Variants in GSTO2 observed in about 807,000 individuals in gnomAD.
GSTO2 encodes glutathione S-transferase omega 2.
In GSTO2, 23 loss-of-function variants were observed where a neutral mutation model predicts 28.4. That is an observed-to-expected ratio of 0.81 (90% CI 0.58 to 1.15). GSTO2 has a LOEUF of 1.15. GSTO2 is among the 50% of genes most tolerant of loss of function. The probability of loss-of-function intolerance (pLI) is 0.00; values close to 1 mark genes in which losing one functional copy is unlikely to be tolerated. For synonymous variants in GSTO2, 109 were observed against 111.0 expected (o/e 0.98, Z 0.11); for missense variants, 298 against 297.8 (o/e 1.00, Z 0.00).
chr10:104,277,580 C>T (rs1221774907), intron 3 of GSTO2, among the ~76,000 whole-genome samples: 1 of 152,142 alleles, frequency 6.6e-6, no homozygotes, highest in African/African-American at 2.4e-5. Context: ...GGCACCGCGC[C>T]CGGCCAGCTC....
rs1208178722 is a variant in GSTO2, at chr10:104,300,753, A to G, written c.*1469A>G. On this transcript the variant is annotated 3_prime_UTR_variant, in exon 7 of 7. Coordinates refer to ENST00000338595, the MANE Select transcript of GSTO2 (RefSeq NM_183239.2). Reference sequence around the variant, plus strand: ...CCCATCCTCCTAGCTGTGCTGAGACACCAGGCAGCAACAGGAGCGATGTTT... The same window carrying G: ...CCCATCCTCCTAGCTGTGCTGAGACGCCAGGCAGCAACAGGAGCGATGTTT... The G allele has an allele frequency of 6.6e-6, 1 of 152,294 alleles. No homozygotes were observed. 9.4% of individuals were successfully genotyped at this position (152,294 alleles called of 1,614,324 possible). A position where few individuals can be genotyped will look rare whatever the true frequency, so the allele number is the denominator to read the frequency against.
chr10:104,297,933 C>T (rs985908528), intron 6 of GSTO2, among the ~76,000 whole-genome samples: 2 of 152,180 alleles, frequency 1.3e-5, no homozygotes, highest in African/African-American at 4.8e-5. Flanking sequence ...ACTTCAGAGC[C>T]TGCTGTCCTC....
At chr10:104,298,587 T>C (rs1021857221) in intron 6 of GSTO2, among the ~76,000 whole-genome samples, 2 of 152,224 alleles carry the variant, frequency 1.3e-5, no homozygotes, top group Non-Finnish European at 1.5e-5. Context: ...TATCTTCAGC[T>C]TATTGCTTTA....
In GSTO2 at chr10:104,274,067, G is replaced by A. The variant is rs368081148; in HGVS notation, c.-231-618G>A. 2.0e-5 allele frequency among the ~76,000 whole-genome samples: 3 copies of A among 152,168 alleles called. No individual in the cohort carries two copies. In the East Asian group the frequency reaches 5.8e-4, roughly 29 times the overall value. ...GCCAAAGCCACGTCTATTATCTCAC[G>A]TAAACAGAAAAGCTGTGCAAGTCGC... On this transcript the variant is annotated intron_variant, in intron 1 of 6. Coordinates refer to ENST00000338595, the MANE Select transcript of GSTO2 (RefSeq NM_183239.2).
intron 1 of GSTO2, among the ~76,000 whole-genome samples, chr10:104,271,201 C>T (rs1185560070): frequency 6.6e-6 from 1 of 152,220 alleles, no homozygotes; most frequent in African/African-American, 2.4e-5. Flanking sequence ...TTAAAAACCA[C>T]ATTACTGAAA....
Position 104,287,162 on chromosome 10 carries a change from C to T in GSTO2, c.468+7691C>T, listed in dbSNP as rs966171670. 7.2e-4 allele frequency among the ~76,000 whole-genome samples: 109 copies of T among 152,290 alleles called. 1 individual carries two copies. The highest frequency in any genetic ancestry group is 2.3e-3 in the African/African-American group (96 of 41,558). On this transcript the variant is annotated intron_variant, in intron 5 of 6. Transcript: ENST00000338595. ...TGAACTCCTGAGCTCAAGGGAGCCT[C>T]CCAACTCAGTCTCCTGAGTAGCTGG... is the stretch of plus-strand genomic sequence containing the variant.
chr10:104,282,852 G>A (rs1487664292), intron 5 of GSTO2, among the ~76,000 whole-genome samples: 1 of 152,114 alleles, frequency 6.6e-6, no homozygotes, highest in Admixed American at 6.5e-5. Context: ...ATTCATATGC[G>A]GGCAGAGCTT....
At chr10:104,293,833 G>A in intron 5 of GSTO2, among the ~76,000 whole-genome samples, 1 of 152,068 alleles carries the variant, frequency 6.6e-6, no homozygotes, top group East Asian at 1.9e-4. Flanking sequence ...CTTTTCATTA[G>A]AGTCTAAAAA....
chr10:104,294,587 C>A (rs2012938664), intron 5 of GSTO2, among the ~76,000 whole-genome samples: 1 of 152,184 alleles, frequency 6.6e-6, no homozygotes, highest in South Asian at 2.1e-4. Flanking sequence ...CAATAATCTG[C>A]AGCTGTATTA....
Position 104,279,360 on chromosome 10 carries a change from C to A in GSTO2, c.367-10C>A. ...GACTTCTCCACTGAGAACCTGTGTC[C>A]TCTGATTAGGTCCCACATTTGACCA... On this transcript the variant is annotated splice_polypyrimidine_tract_variant and intron_variant, in intron 4 of 6. Transcript: ENST00000338595. The A allele has an allele frequency of 6.2e-7, 1 of 1,608,796 alleles. No homozygotes were observed. The highest frequency in any genetic ancestry group is 8.5e-7 in the Non-Finnish European group (1 of 1,175,218).
chr10:104,297,480 TC>T, intron 5 of GSTO2, 97 bp from the exon 6 acceptor site: 2 of 732,370 alleles, frequency 2.7e-6, no homozygotes, highest in South Asian at 3.5e-5. Context: ...GCCTCAGTTC[TC>T]CCTCTCTGGG....
chr10:104,278,199 C>A, intron 4 of GSTO2, 83 bp downstream of exon 4: 1 of 1,023,374 alleles, frequency 9.8e-7, no homozygotes. Context: ...AAAGCCAAAT[C>A]ATTGGTGAAA....
intron 5 of GSTO2, 50 bp from the exon 6 acceptor site, chr10:104,297,528 T>C (rs1389746884): frequency 8.6e-7 from 1 of 1,163,112 alleles, no homozygotes; most frequent in South Asian, 1.3e-5. Flanking sequence ...TCTATAAACA[T>C]GTCAGCAGAT....
chr10:104,289,400 A>C (rs1178552732), intron 5 of GSTO2, among the ~76,000 whole-genome samples: 1 of 152,174 alleles, frequency 6.6e-6, no homozygotes, highest in Non-Finnish European at 1.5e-5. Context: ...CCAGCCCTAC[A>C]AATATATTTT....
Position 104,303,326 on chromosome 10 carries a change from T to C in GSTO2, c.*4042T>C, listed in dbSNP as rs970622921. ...GGCCAGGCTGAGGAGGTGATGGAAATGAGGAACTTACTGGGAACTGGAGCA... is the reference window on the plus strand; with the variant it reads ...GGCCAGGCTGAGGAGGTGATGGAAACGAGGAACTTACTGGGAACTGGAGCA... On this transcript the variant is annotated 3_prime_UTR_variant, in exon 7 of 7. Coordinates refer to ENST00000338595, the MANE Select transcript of GSTO2 (RefSeq NM_183239.2). 1 of 152,164 alleles carries C rather than the reference T, an allele frequency of 6.6e-6. No individual in the cohort carries two copies. Among genetic ancestry groups the C allele is most frequent in the Admixed American group, 6.5e-5 (1 of 15,284 alleles). The allele number at this position is 152,164 out of a possible 1,614,324, so 9.4% of individuals were successfully genotyped here.
chr10:104,271,437 G>A (rs17116779), intron 1 of GSTO2, among the ~76,000 whole-genome samples: 8,438 of 152,236 alleles, frequency 0.055, 612 homozygotes, highest in African/African-American at 0.16. Context: ...CTATACTGAC[G>A]ATGCCCTGGA....
intron 4 of GSTO2, 30 bp from the exon 5 acceptor site, chr10:104,279,340 C>T: frequency 6.4e-7 from 1 of 1,568,964 alleles, no homozygotes; most frequent in East Asian, 2.2e-5. Context: ...CCACAGACTT[C>T]TCCACTGAGA....
At chr10:104,273,215 T>C (rs1014899018) in intron 1 of GSTO2, among the ~76,000 whole-genome samples, 2 of 152,208 alleles carry the variant, frequency 1.3e-5, no homozygotes, top group Admixed American at 6.5e-5. Context: ...TAGAAGTTAC[T>C]CTGTTACTTT....
At chr10:104,294,639 T>C (rs941008625) in intron 5 of GSTO2, among the ~76,000 whole-genome samples, 2 of 152,214 alleles carry the variant, frequency 1.3e-5, no homozygotes, top group Non-Finnish European at 2.9e-5. Flanking sequence ...TCAAGACATA[T>C]TTGGAAAATG....
Sources: allele counts gnomAD v4.1 joint callset (sites outside exome capture counted in the v4.1 genomes callset), GRCh38; gene constraint gnomAD v4.1.1; transcripts MANE v1.5; gene names NCBI Gene and HGNC (gene_info 2026-07-23, HGNC 2026-07-21).